NTM: variants seen among roughly 807,000 people sequenced by gnomAD.
NTM encodes IgLON family member 2.
Under a neutral mutation model 42.1 loss-of-function variants are expected in NTM, and 13 were observed. That is an observed-to-expected ratio of 0.31 (90% confidence interval 0.20 to 0.49). The LOEUF (loss-of-function observed/expected upper bound fraction) is 0.49, where lower values mean the gene tolerates loss of function less well. Ranked by LOEUF, NTM falls within the 20% of genes least tolerant of loss-of-function variation. The pLI, the probability that NTM is intolerant of heterozygous loss-of-function variation, is 0.99. For synonymous variants in NTM, 187 were observed against 179.2 expected (o/e 1.04, Z -0.35); for missense variants, 373 against 452.8 (o/e 0.82, Z 1.60).
chr11:131,637,329 G>C (rs1392109999), intron 1 of NTM, among the ~76,000 whole-genome samples: 5 of 151,904 alleles, frequency 3.3e-5, no homozygotes. Context: ...CCAGGTGCCA[G>C]GGCAGTACTC....
At chr11:131,773,291 G>C (rs2086428379) in intron 1 of NTM, among the ~76,000 whole-genome samples, 1 of 152,174 alleles carries the variant, frequency 6.6e-6, no homozygotes, top group South Asian at 2.1e-4. Context: ...GGCTCTTTTG[G>C]AGCCCTCGTG....
chr11:131,440,796 A>C (rs1379572936), intron 1 of NTM, among the ~76,000 whole-genome samples: 2 of 96,354 alleles, frequency 2.1e-5, no homozygotes, highest in Non-Finnish European at 1.9e-5. Context: ...TTTTTGTGCC[A>C]CCCCTCACCA....
At chr11:132,325,124 T>C (rs1318689823) in intron 7 of NTM, among the ~76,000 whole-genome samples, 1 of 151,990 alleles carries the variant, frequency 6.6e-6, no homozygotes, top group Admixed American at 6.6e-5. Context: ...GGACTTCATG[T>C]CTAAAACACC....
rs1160605964 is a variant in NTM, at chr11:131,818,775, T to C, written c.83-92789T>C. ...CACTTACCGATCATCTGAGTGTCTGTCCTTCTATCCAGAATCTATGTGGAC... is the reference window on the plus strand; with the variant it reads ...CACTTACCGATCATCTGAGTGTCTGCCCTTCTATCCAGAATCTATGTGGAC... On this transcript the variant is annotated intron_variant, in intron 1 of 8. Transcript: ENST00000683400. Among the ~76,000 whole-genome samples the C allele has an allele frequency of 4.6e-5, 7 of 152,306 alleles. No individual in the cohort carries two copies. The East Asian group carries it at 1.4e-3, about 29-fold the overall frequency.
chr11:131,532,476 C>T (rs1046393816), intron 1 of NTM, among the ~76,000 whole-genome samples: 3 of 152,232 alleles, frequency 2.0e-5, no homozygotes, highest in African/African-American at 7.2e-5. Context: ...CTGTCATAGA[C>T]ACTGGGTTGT....
chr11:131,467,653 G>T (rs1271401322), intron 1 of NTM, among the ~76,000 whole-genome samples: 1 of 152,186 alleles, frequency 6.6e-6, no homozygotes, highest in Non-Finnish European at 1.5e-5. Flanking sequence ...ATCCATGAGA[G>T]GTTATTAAAT....
intron 1 of NTM, among the ~76,000 whole-genome samples, chr11:131,435,782 T>G (rs985640535): frequency 6.6e-6 from 1 of 152,220 alleles, no homozygotes; most frequent in Non-Finnish European, 1.5e-5. Flanking sequence ...CTTTATTTCT[T>G]TCTCTTGCCT....
intron 2 of NTM, among the ~76,000 whole-genome samples, chr11:132,127,089 C>A (rs138112522): frequency 6.6e-6 from 1 of 152,100 alleles, no homozygotes; most frequent in East Asian, 1.9e-4. Flanking sequence ...CCCAAAACTC[C>A]TCCTATTTCA....
intron 1 of NTM, among the ~76,000 whole-genome samples, chr11:131,516,524 C>A (rs906240255): frequency 6.6e-6 from 1 of 152,112 alleles, no homozygotes; most frequent in Non-Finnish European, 1.5e-5. Flanking sequence ...AATACAGGCA[C>A]GTACCACCAT....
intron 1 of NTM, among the ~76,000 whole-genome samples, chr11:131,543,319 G>A (rs1483644776): frequency 2.0e-5 from 3 of 152,118 alleles, no homozygotes; most frequent in South Asian, 4.1e-4. Context: ...AAATACGCAG[G>A]GATAGCATCA....
intron 1 of NTM, among the ~76,000 whole-genome samples, chr11:131,500,168 C>G (rs994786106): frequency 1.3e-5 from 2 of 152,306 alleles, no homozygotes; most frequent in African/African-American, 4.8e-5. Context: ...AGTTCTCTCT[C>G]ATTTTTTCAG....
intron 1 of NTM, among the ~76,000 whole-genome samples, chr11:131,672,384 A>T (rs2070464509): frequency 6.6e-6 from 1 of 152,198 alleles, no homozygotes; most frequent in African/African-American, 2.4e-5. Flanking sequence ...CCCACCGAGG[A>T]CACTGGGCCT....
intron 1 of NTM, among the ~76,000 whole-genome samples, chr11:131,469,689 G>A (rs1354779132): frequency 6.6e-6 from 1 of 152,214 alleles, no homozygotes; most frequent in Non-Finnish European, 1.5e-5. Flanking sequence ...CTACCACTGA[G>A]CTATCTTGGG....
At chr11:131,733,463 T>TTTCCTTCCTTCCTTCCTTCC (rs555056062) in intron 1 of NTM, among the ~76,000 whole-genome samples, 5 of 112,668 alleles carry the variant, frequency 4.4e-5, no homozygotes, top group South Asian at 3.3e-4. Flanking sequence ...TCCTTCCTTC[T>TTTCCTTCCTTCCTTCCTTCC]TTCCTTCCTT....
At chr11:131,653,121 G>C (rs1301875546) in intron 1 of NTM, among the ~76,000 whole-genome samples, 1 of 152,252 alleles carries the variant, frequency 6.6e-6, no homozygotes, top group Non-Finnish European at 1.5e-5. Flanking sequence ...GGTGTGCCCT[G>C]TGTGGACCAC....
chr11:131,923,355 G>T (rs2057491126), intron 2 of NTM, among the ~76,000 whole-genome samples: 1 of 152,172 alleles, frequency 6.6e-6, no homozygotes, highest in Non-Finnish European at 1.5e-5. Context: ...CGTTTGTTAG[G>T]AATAATAGTA....
intron 1 of NTM, among the ~76,000 whole-genome samples, chr11:131,653,725 G>T (rs2066806825): frequency 6.6e-6 from 1 of 152,208 alleles, no homozygotes; most frequent in Non-Finnish European, 1.5e-5. Context: ...GAGAACACAG[G>T]TGGGGACCAC....
intron 7 of NTM, among the ~76,000 whole-genome samples, chr11:132,320,756 C>T (rs571305522): frequency 1.3e-4 from 19 of 151,964 alleles, no homozygotes; most frequent in African/African-American, 4.3e-4. Flanking sequence ...GCAGTAACCT[C>T]TGCAGACTTA....
intron 2 of NTM, among the ~76,000 whole-genome samples, chr11:131,987,829 A>G (rs78694555): frequency 4.0e-4 from 61 of 152,352 alleles, no homozygotes; most frequent in African/African-American, 1.5e-3. Context: ...AAGATTAGCA[A>G]TCATTTGCTT....
Sources: gnomAD v4.1 joint callset for allele counts (sites outside exome capture counted in the v4.1 genomes callset) on GRCh38, gnomAD v4.1.1 for gene constraint, MANE v1.5 for transcripts, NCBI Gene and HGNC (gene_info 2026-07-23, HGNC 2026-07-21) for gene names.